The following FSTL4 variants were observed in gnomAD, a reference collection of about 807,000 sequenced individuals.
FSTL4 encodes the protein follistatin-related protein 4.
A neutral mutation model predicts 78.2 loss-of-function variants in FSTL4; 28 were observed. The observed-to-expected ratio is 0.36, with a 90% CI of 0.27 to 0.49. The LOEUF (loss-of-function observed/expected upper bound fraction) is 0.49. Ranked by LOEUF, FSTL4 falls within the 20% of genes least tolerant of loss-of-function variation. The pLI is 0.98. For synonymous variants in FSTL4, 422 were observed against 440.5 expected (o/e 0.96, Z 0.53); for missense variants, 922 against 1,084.9 (o/e 0.85, Z 2.11).
intron 3 of FSTL4, among the ~76,000 whole-genome samples, chr5:133,417,956 C>CT (rs1756611147): frequency 1.2e-5 from 1 of 83,352 alleles, no homozygotes; most frequent in African/African-American, 5.7e-5. Flanking sequence ...AAGACTCCAT[C>CT]TTAAAAAAAA....
chr5:133,226,845 A>G (rs1268688508), intron 8 of FSTL4, among the ~76,000 whole-genome samples: 1 of 152,156 alleles, frequency 6.6e-6, no homozygotes, highest in African/African-American at 2.4e-5. Flanking sequence ...CATAGAACAA[A>G]TTGGTACTTA....
chr5:133,774,981 A>AC, the FSTL4 span, among the ~76,000 whole-genome samples: 27,330 of 148,130 alleles, frequency 0.18, 2,883 homozygotes, highest in East Asian at 0.41. Context: ...TTCTAAAATG[A>AC]CAAAAAAAAA....
intron 6 of FSTL4, among the ~76,000 whole-genome samples, chr5:133,291,689 T>C (rs145478532): frequency 1.1e-4 from 16 of 152,230 alleles, no homozygotes; most frequent in Non-Finnish European, 2.1e-4. Context: ...TGGATAAAGA[T>C]AGGAGTGTTC....
At chr5:133,494,892 T>C (rs1358258646) in intron 3 of FSTL4, among the ~76,000 whole-genome samples, 2 of 152,230 alleles carry the variant, frequency 1.3e-5, no homozygotes, top group African/African-American at 4.8e-5. Context: ...TTTATCAACA[T>C]GGAAAGTGAA....
intron 4 of FSTL4, among the ~76,000 whole-genome samples, chr5:133,392,491 T>C (rs1755874071): frequency 6.6e-6 from 1 of 152,150 alleles, no homozygotes; most frequent in Non-Finnish European, 1.5e-5. Flanking sequence ...AGTGCCTTCT[T>C]GGCATTTAGA....
intron 6 of FSTL4, among the ~76,000 whole-genome samples, chr5:133,292,237 C>T (rs544245034): frequency 6.6e-6 from 1 of 152,356 alleles, no homozygotes; most frequent in Non-Finnish European, 1.5e-5. Context: ...GCCATGCAGC[C>T]TTCTCTGACC....
chr5:133,509,499 A>G (rs1758680612), intron 3 of FSTL4, among the ~76,000 whole-genome samples: 1 of 152,194 alleles, frequency 6.6e-6, no homozygotes, highest in Non-Finnish European at 1.5e-5. Flanking sequence ...ACAGAGAAGC[A>G]AATCACTCAG....
chr5:133,200,089 C>T (rs1000553912), intron 15 of FSTL4, among the ~76,000 whole-genome samples: 1 of 152,214 alleles, frequency 6.6e-6, no homozygotes, highest in African/African-American at 2.4e-5. Context: ...ACTGCTTCTC[C>T]ATTTATAATA....
At chr5:133,780,256 G>A in the FSTL4 span, among the ~76,000 whole-genome samples, 1 of 152,120 alleles carries the variant, frequency 6.6e-6, no homozygotes, top group Non-Finnish European at 1.5e-5. Flanking sequence ...ACGAGCAGGG[G>A]ACGCAGACAC....
intron 2 of FSTL4, among the ~76,000 whole-genome samples, chr5:133,590,093 CTTTATTTATTTA>C (rs60216054): frequency 4.7e-5 from 7 of 149,040 alleles, no homozygotes; most frequent in South Asian, 2.2e-4. Context: ...GGAATCTCCT[CTTTATTTATTTA>C]TTTATTTATT....
intron 11 of FSTL4, among the ~76,000 whole-genome samples, chr5:133,223,792 A>T (rs533482600): frequency 6.2e-4 from 94 of 152,320 alleles, no homozygotes; most frequent in African/African-American, 2.2e-3. Flanking sequence ...CAATCAAAGC[A>T]TATTTAAGGT....
At chr5:133,398,220 G>C (rs1580681383) in intron 4 of FSTL4, among the ~76,000 whole-genome samples, 2 of 152,290 alleles carry the variant, frequency 1.3e-5, no homozygotes, top group East Asian at 3.9e-4. Flanking sequence ...GGTCTTTCCT[G>C]TTTGCTGGGC....
At chr5:133,447,805 G>A (rs1757298727) in intron 3 of FSTL4, among the ~76,000 whole-genome samples, 1 of 152,206 alleles carries the variant, frequency 6.6e-6, no homozygotes, top group Non-Finnish European at 1.5e-5. Context: ...CTCCCAAAGT[G>A]CTGGGATTAC....
the FSTL4 span, among the ~76,000 whole-genome samples, chr5:133,693,180 C>A: frequency 6.6e-6 from 1 of 152,180 alleles, no homozygotes; most frequent in African/African-American, 2.4e-5. Flanking sequence ...GCTGATCCAG[C>A]CCCACTGAAA....
intron 7 of FSTL4, among the ~76,000 whole-genome samples, chr5:133,245,670 C>T (rs961910960): frequency 6.6e-6 from 1 of 152,190 alleles, no homozygotes; most frequent in African/African-American, 2.4e-5. Context: ...CTCTCAGGCA[C>T]TTAGCAAGTG....
At chr5:133,292,395 A>G (rs1753286859) in intron 6 of FSTL4, among the ~76,000 whole-genome samples, 1 of 151,874 alleles carries the variant, frequency 6.6e-6, no homozygotes, top group Non-Finnish European at 1.5e-5. Flanking sequence ...CTGCCTCTAC[A>G]TGCTACCTCC....
At chr5:133,478,317 A>T (rs930698869) in intron 3 of FSTL4, among the ~76,000 whole-genome samples, 1 of 152,218 alleles carries the variant, frequency 6.6e-6, no homozygotes, top group Admixed American at 6.5e-5. Context: ...CAAACAGTTT[A>T]AAAATATCTT....
intron 4 of FSTL4, among the ~76,000 whole-genome samples, chr5:133,319,325 G>C (rs1753990442): frequency 6.6e-6 from 1 of 152,234 alleles, no homozygotes; most frequent in Admixed American, 6.5e-5. Flanking sequence ...GGCCCACACT[G>C]TCCAGGCCAC....
intron 3 of FSTL4, among the ~76,000 whole-genome samples, chr5:133,446,297 G>C (rs183753040): frequency 6.6e-6 from 1 of 152,180 alleles, no homozygotes; most frequent in Non-Finnish European, 1.5e-5. Flanking sequence ...AAAATTAGCC[G>C]GGCGTGCTGG....
Sources: gnomAD v4.1 joint callset for allele counts (sites outside exome capture counted in the v4.1 genomes callset) on GRCh38, gnomAD v4.1.1 for gene constraint, MANE v1.5 for transcripts, NCBI Gene and HGNC (gene_info 2026-07-23, HGNC 2026-07-21) for gene names.